Variants in CBX5 observed in about 807,000 individuals in gnomAD.
The protein encoded by CBX5 is chromobox protein homolog 5.
In CBX5, 7 loss-of-function variants were observed where a neutral mutation model predicts 20.7. The observed-to-expected ratio is 0.34, with a 90% CI of 0.19 to 0.63. The LOEUF (loss-of-function observed/expected upper bound fraction) is 0.63, where lower values mean the gene tolerates loss of function less well. Among genes scored for constraint, CBX5 ranks in the 30% least tolerant of loss-of-function variants. The pLI is 0.75. For synonymous variants in CBX5, 78 were observed against 77.0 expected, an observed-to-expected ratio of 1.01 and a Z score of -0.07; for missense variants, 110 against 224.1, an observed-to-expected ratio of 0.49 and a Z score of 3.25.
At chr12:54,244,959 T>C (rs1014540207) in intron 4 of CBX5, among the ~76,000 whole-genome samples, 1 of 151,966 alleles carries the variant, frequency 6.6e-6, no homozygotes, top group African/African-American at 2.4e-5. Context: ...CAGTAAGTAA[T>C]TCAGAACTGT....
rs542919852 is a variant in CBX5, at chr12:54,271,348, C to T, written c.-43+8660G>A. 4.2e-4 allele frequency among the ~76,000 whole-genome samples: 64 copies of T among 152,154 alleles called. 1 individual carries two copies. In the South Asian group the frequency reaches 9.7e-3, roughly 23 times the overall value. On this transcript the variant is annotated intron_variant, in intron 1 of 4. Coordinates refer to ENST00000209875, the MANE Select transcript of CBX5 (RefSeq NM_012117.3). Reference sequence around the variant, plus strand: ...TCCTTTTTCTTTTCTTTTTTTGAGACGGAGTCTTGCTCTGTCACCCAGGCT... The same window carrying T: ...TCCTTTTTCTTTTCTTTTTTTGAGATGGAGTCTTGCTCTGTCACCCAGGCT...
At chr12:54,255,271 A>C (rs1943851331) in intron 2 of CBX5, among the ~76,000 whole-genome samples, 1 of 152,132 alleles carries the variant, frequency 6.6e-6, no homozygotes, top group Non-Finnish European at 1.5e-5. Flanking sequence ...TATTTTGAAG[A>C]TAAAAAAGCA....
At position 54,234,178 on chromosome 12, in the gene CBX5, CAAAAAAAAAAAAAAA is replaced by C. The variant is rs60901455; in HGVS notation, c.*7562_*7576del. 18 of 40,318 alleles carry C rather than the reference CAAAAAAAAAAAAAAA, an allele frequency of 4.5e-4. No individual in the cohort carries two copies. Among genetic ancestry groups the C allele is most frequent in the East Asian group, 1.6e-3 (1 of 622 alleles). 2.5% of individuals were successfully genotyped at this position (40,318 alleles called of 1,614,324 possible). On this transcript the variant is annotated 3_prime_UTR_variant, in exon 5 of 5. Transcript: ENST00000209875. Reference sequence around the variant, plus strand: ...TGGGCAAAAGAGCAAGTTTCCATCTCAAAAAAAAAAAAAAAAAAAAAAAAAAAAGGTTCAATATGG... The same window carrying C: ...TGGGCAAAAGAGCAAGTTTCCATCTCAAAAAAAAAAAAAGGTTCAATATGG...
Position 54,261,572 on chromosome 12 carries a change from G to A in CBX5, c.-42-3880C>T, listed in dbSNP as rs112947555. Among the ~76,000 whole-genome samples, 336 of 152,304 alleles carry A rather than the reference G, an allele frequency of 2.2e-3. 3 individuals are homozygous for A. The highest frequency in any genetic ancestry group is 7.8e-3 in the African/African-American group (325 of 41,558). The stretch of plus-strand genomic sequence containing the variant: ...GGCCTCCCAAAGTGCTGGGATTACA[G>A]GCATGAGACACTGCACCCGGCCAGA... On this transcript the variant is annotated intron_variant, in intron 1 of 4. Transcript: ENST00000209875.
Position 54,240,420 on chromosome 12 carries a change from T to TC in CBX5, c.*1334dup, listed in dbSNP as rs1163891415. On this transcript the variant is annotated 3_prime_UTR_variant, in exon 5 of 5. Transcript: ENST00000209875. ...ATTTATATTTTTTAGAGACAGGGGGTCTCACTACATTGCCCAGGCTGGTCT... is the reference window on the plus strand; with the variant it reads ...ATTTATATTTTTTAGAGACAGGGGGTCCTCACTACATTGCCCAGGCTGGTCT... The TC allele has an allele frequency of 1.3e-5, 2 of 151,868 alleles. No homozygotes were observed. The highest frequency in any genetic ancestry group is 2.9e-5 in the Non-Finnish European group (2 of 67,986). 9.4% of individuals were successfully genotyped at this position (151,868 alleles called of 1,614,324 possible).
At chr12:54,255,698 C>T in intron 2 of CBX5, 1 of 152,034 alleles carries the variant, frequency 6.6e-6, no homozygotes, top group Non-Finnish European at 1.5e-5. Flanking sequence ...CCTACTAATG[C>T]TCAAAATGGG....
chr12:54,278,320 G>C (rs1032448584), intron 1 of CBX5, among the ~76,000 whole-genome samples: 1 of 152,192 alleles, frequency 6.6e-6, no homozygotes, highest in Non-Finnish European at 1.5e-5. Flanking sequence ...ATCCAGGACA[G>C]ATACCCTTAA....
chr12:54,264,522 A>G (rs1440422060), intron 1 of CBX5, among the ~76,000 whole-genome samples: 1 of 152,172 alleles, frequency 6.6e-6, no homozygotes, highest in Admixed American at 6.5e-5. Context: ...ATAATTCTAG[A>G]TCTTTCACTA....
chr12:54,233,935 C>T lies in CBX5; in HGVS notation c.*7820G>A, dbSNP rs914773226. 6.6e-6 allele frequency: 1 copy of T among 152,110 alleles called. No homozygotes were observed. The highest frequency in any genetic ancestry group is 2.4e-5 in the African/African-American group (1 of 41,368). The allele number at this position is 152,110 out of a possible 1,614,324, so 9.4% of individuals were successfully genotyped here. On this transcript the variant is annotated 3_prime_UTR_variant, in exon 5 of 5. Coordinates refer to ENST00000209875, the MANE Select transcript of CBX5 (RefSeq NM_012117.3). ...TGCTGGCTCACGCCTGCAATCCCAG[C>T]ACTTTGAGTGGCCGAGGCAGGCGGA...
rs117861112 is a variant in CBX5, at chr12:54,279,437, G to A, written c.-43+571C>T. Among the ~76,000 whole-genome samples, 275 of 152,298 alleles carry A rather than the reference G, an allele frequency of 1.8e-3. 1 individual carries two copies. The East Asian group carries it at 0.03, about 16-fold the overall frequency. On this transcript the variant is annotated intron_variant, in intron 1 of 4. Transcript: ENST00000209875. ...GGACTGAGGCCTAAAGGCTTCGTTAGAGAAGTCATCGTGGATAAAACATCC... is the reference window on the plus strand; with the variant it reads ...GGACTGAGGCCTAAAGGCTTCGTTAAAGAAGTCATCGTGGATAAAACATCC...
chr12:54,248,713 G>A (rs1416653465), intron 3 of CBX5, among the ~76,000 whole-genome samples: 2 of 152,132 alleles, frequency 1.3e-5, no homozygotes, highest in Non-Finnish European at 2.9e-5. Context: ...GGAGGCGAAT[G>A]GAAGAAAAAC....
chr12:54,255,051 C>T (rs1381648691), intron 2 of CBX5, among the ~76,000 whole-genome samples: 2 of 152,204 alleles, frequency 1.3e-5, no homozygotes, highest in African/African-American at 2.4e-5. Flanking sequence ...TCCTATAATG[C>T]GATTATCCCT....
intron 1 of CBX5, among the ~76,000 whole-genome samples, chr12:54,266,698 G>T (rs1176384514): frequency 6.6e-6 from 1 of 152,144 alleles, no homozygotes; most frequent in African/African-American, 2.4e-5. Flanking sequence ...TCAATTTTCA[G>T]AACTGCTTGA....
intron 2 of CBX5, among the ~76,000 whole-genome samples, chr12:54,253,965 G>A (rs1162139117): frequency 6.6e-6 from 1 of 151,964 alleles, no homozygotes; most frequent in Non-Finnish European, 1.5e-5. Flanking sequence ...TGGCCAGGCT[G>A]GTCTCGAACT....
chr12:54,271,346 G>C (rs1391054350), intron 1 of CBX5, among the ~76,000 whole-genome samples: 1 of 151,898 alleles, frequency 6.6e-6, no homozygotes, highest in East Asian at 1.9e-4. Context: ...CTTTTTTTGA[G>C]ACGGAGTCTT....
At chr12:54,252,519 G>T (rs1592157807) in intron 2 of CBX5, 1 of 305,648 alleles carries the variant, frequency 3.3e-6, no homozygotes, top group Non-Finnish European at 5.9e-6. Context: ...AACAAAATGT[G>T]GTATATCCAT....
chr12:54,269,229 C>T (rs1396271575), intron 1 of CBX5, among the ~76,000 whole-genome samples: 1 of 152,006 alleles, frequency 6.6e-6, no homozygotes, highest in Non-Finnish European at 1.5e-5. Context: ...CACAACTACA[C>T]TCCAGCCAGG....
At chr12:54,268,500 C>T (rs1057408108) in intron 1 of CBX5, among the ~76,000 whole-genome samples, 4 of 152,202 alleles carry the variant, frequency 2.6e-5, no homozygotes, top group African/African-American at 9.6e-5. Context: ...TGAGATTTTT[C>T]TGACTCCCTT....
intron 1 of CBX5, among the ~76,000 whole-genome samples, chr12:54,260,205 G>A (rs894070528): frequency 6.6e-6 from 1 of 151,318 alleles, no homozygotes; most frequent in Non-Finnish European, 1.5e-5. Context: ...AATTAGAGGT[G>A]GAGGGCCAGG....
Sources: allele counts gnomAD v4.1 joint callset (sites outside exome capture counted in the v4.1 genomes callset), GRCh38; gene constraint gnomAD v4.1.1; transcripts MANE v1.5; gene names NCBI Gene and HGNC (gene_info 2026-07-23, HGNC 2026-07-21).